CNGB3: variants seen among roughly 807,000 people sequenced by gnomAD.
CNGB3 encodes cyclic nucleotide gated channel subunit beta 3.
A neutral mutation model predicts 92.8 loss-of-function variants in CNGB3; 86 were observed. The observed-to-expected ratio is 0.93, with a 90% CI of 0.78 to 1.11. The LOEUF (loss-of-function observed/expected upper bound fraction) is 1.11. CNGB3 is among the 50% of genes least tolerant of loss of function. CNGB3 has a pLI of 0.00. For synonymous variants in CNGB3, 333 were observed against 332.7 expected, an observed-to-expected ratio of 1.00 and a Z score of -0.01; for missense variants, 1,026 against 956.8, an observed-to-expected ratio of 1.07 and a Z score of -0.95.
chr8:86,643,387 T>C (rs1422137492), intron 10 of CNGB3, among the ~76,000 whole-genome samples: 3 of 151,404 alleles, frequency 2.0e-5, no homozygotes, highest in Non-Finnish European at 4.4e-5. Context: ...ATTCTTACTG[T>C]ATGTTTGTAT....
chr8:86,728,036 A>G (rs1825093620), intron 2 of CNGB3, among the ~76,000 whole-genome samples: 1 of 152,186 alleles, frequency 6.6e-6, no homozygotes, highest in Non-Finnish European at 1.5e-5. Flanking sequence ...TAAGACTAAG[A>G]AAGCCTAAAT....
chr8:86,727,618 A>AT (rs369322773), intron 2 of CNGB3, among the ~76,000 whole-genome samples: 7 of 152,276 alleles, frequency 4.6e-5, no homozygotes, highest in African/African-American at 1.7e-4. Context: ...ACTGGTAAAT[A>AT]TTTGGATTAT....
chr8:86,579,341 T>C, intron 15 of CNGB3, 89 bp from the exon 16 acceptor site: 1 of 1,432,218 alleles, frequency 7.0e-7, no homozygotes, highest in South Asian at 1.1e-5. Flanking sequence ...TTATAAGTAT[T>C]TATACTGCTT....
chr8:86,718,913 C>A (rs1273943776), intron 3 of CNGB3, among the ~76,000 whole-genome samples: 3 of 151,804 alleles, frequency 2.0e-5, no homozygotes, highest in Non-Finnish European at 4.4e-5. Context: ...GGATTAAAAA[C>A]AAAATTACAT....
At chr8:86,607,871 C>T (rs190661336) in intron 14 of CNGB3, among the ~76,000 whole-genome samples, 2,584 of 152,282 alleles carry the variant, frequency 0.017, 33 homozygotes, top group Middle Eastern at 0.034. Flanking sequence ...CCCTTGCCTT[C>T]AATATTTTGT....
chr8:86,657,861 A>T, intron 6 of CNGB3: 1 of 535,606 alleles, frequency 1.9e-6, no homozygotes, highest in Non-Finnish European at 3.8e-6. Flanking sequence ...GTACAGTGTG[A>T]TGTACTTTCC....
Position 86,726,584 on chromosome 8 carries a change from AGTTG to A in CNGB3, c.281_284del (p.Pro94LeufsTer30), listed in dbSNP as rs1554618413. The A allele has an allele frequency of 6.2e-7, 1 of 1,613,746 alleles. No homozygotes were observed. The highest frequency in any genetic ancestry group is 8.5e-7 in the Non-Finnish European group (1 of 1,179,802). ...TTTCCTTCTGCTCTGGCACTGTTCCAGTTGGTTCTGCTGCATTTTGAGGGTCAGG... is the reference window on the plus strand; with the variant it reads ...TTTCCTTCTGCTCTGGCACTGTTCCAGTTCTGCTGCATTTTGAGGGTCAGG... On this transcript the variant is annotated frameshift_variant, in exon 3 of 18. Transcript: ENST00000320005. LOFTEE classifies it high-confidence loss of function.
Position 86,575,730 on chromosome 8 carries a change from G to T in CNGB3, c.*74C>A. 2.2e-6 allele frequency: 3 copies of T among 1,390,268 alleles called. No individual in the cohort carries two copies. The highest frequency in any genetic ancestry group is 3.0e-6 in the Non-Finnish European group (3 of 989,542). The allele number at this position is 1,390,268 out of a possible 1,614,324, so 86.1% of individuals were successfully genotyped here. The stretch of plus-strand genomic sequence containing the variant: ...GGGTCCCAGCATGTCGTTTCCCCTC[G>T]TTAATTTAAGTTACAATCCTAGGTA... On this transcript the variant is annotated 3_prime_UTR_variant, in exon 18 of 18. Transcript: ENST00000320005.
At chr8:86,708,541 T>C (rs373696837) in intron 3 of CNGB3, among the ~76,000 whole-genome samples, 32 of 145,120 alleles carry the variant, frequency 2.2e-4, no homozygotes, top group African/African-American at 7.7e-4. Context: ...CTTTACTTTC[T>C]TTCTTTTCTT....
chr8:86,701,407 T>C (rs1824553190), intron 3 of CNGB3, among the ~76,000 whole-genome samples: 1 of 152,200 alleles, frequency 6.6e-6, no homozygotes, highest in South Asian at 2.1e-4. Flanking sequence ...ACCAATAATA[T>C]GCCATAATTT....
chr8:86,705,425 A>G (rs1476528620), intron 3 of CNGB3, among the ~76,000 whole-genome samples: 1 of 151,980 alleles, frequency 6.6e-6, no homozygotes, highest in African/African-American at 2.4e-5. Context: ...CCACCCGCAA[A>G]TGTCCATGCT....
chr8:86,604,906 T>G (rs1331156661), intron 14 of CNGB3, among the ~76,000 whole-genome samples: 2 of 152,188 alleles, frequency 1.3e-5, no homozygotes, highest in Non-Finnish European at 2.9e-5. Flanking sequence ...CTATTTAATA[T>G]AATCACAAAG....
chr8:86,604,722 G>T (rs1382199129), intron 14 of CNGB3, among the ~76,000 whole-genome samples: 3 of 152,178 alleles, frequency 2.0e-5, no homozygotes, highest in Non-Finnish European at 4.4e-5. Flanking sequence ...AAGTATTAAT[G>T]CAGCAGGTTG....
Position 86,736,751 on chromosome 8 carries a change from A to T in CNGB3, c.211+2904T>A, listed in dbSNP as rs535895076. Reference sequence around the variant, plus strand: ...GGAATAATGGTCTTCAATTACTGATAAAAAAAAAAGGCAAGACCACATTTT... The same window carrying T: ...GGAATAATGGTCTTCAATTACTGATTAAAAAAAAAGGCAAGACCACATTTT... On this transcript the variant is annotated intron_variant, in intron 2 of 17. Coordinates refer to ENST00000320005, the MANE Select transcript of CNGB3 (RefSeq NM_019098.5). Among the ~76,000 whole-genome samples, 55 of 143,778 alleles carry T rather than the reference A, an allele frequency of 3.8e-4. No homozygotes were observed. In the East Asian group the frequency reaches 7.5e-3, roughly 20 times the overall value. The allele number at this position is 143,778 out of a possible 152,430, so 94.3% of individuals were successfully genotyped here. A position where few individuals can be genotyped will look rare whatever the true frequency, so the allele number is the denominator to read the frequency against.
chr8:86,601,347 T>A (rs1822294241), intron 15 of CNGB3, among the ~76,000 whole-genome samples: 1 of 152,200 alleles, frequency 6.6e-6, no homozygotes, highest in Admixed American at 6.5e-5. Flanking sequence ...AGGCCATCTC[T>A]CAGCAGACCC....
chr8:86,576,443 G>T (rs1352136279), intron 17 of CNGB3, among the ~76,000 whole-genome samples: 1 of 151,988 alleles, frequency 6.6e-6, no homozygotes. Context: ...CTCTGTTTTT[G>T]CTTTTTAAAT....
At chr8:86,631,253 C>T (rs989101850) in intron 11 of CNGB3, among the ~76,000 whole-genome samples, 1 of 152,156 alleles carries the variant, frequency 6.6e-6, no homozygotes, top group Non-Finnish European at 1.5e-5. Flanking sequence ...GGCTTGAACT[C>T]TGAATTTCTC....
chr8:86,718,890 C>T (rs1824912840), intron 3 of CNGB3, among the ~76,000 whole-genome samples: 1 of 151,964 alleles, frequency 6.6e-6, no homozygotes, highest in African/African-American at 2.4e-5. Context: ...AAATGTGATA[C>T]ATCACATAAA....
At chr8:86,638,250 T>C (rs950593628) in intron 10 of CNGB3, among the ~76,000 whole-genome samples, 2 of 152,120 alleles carry the variant, frequency 1.3e-5, no homozygotes, top group Admixed American at 1.3e-4. Context: ...TACATTGGAA[T>C]TTTTGAGTTG....
Sources: allele counts gnomAD v4.1 joint callset (sites outside exome capture counted in the v4.1 genomes callset), GRCh38; gene constraint gnomAD v4.1.1; transcripts MANE v1.5; gene names NCBI Gene and HGNC (gene_info 2026-07-23, HGNC 2026-07-21).